The following ZNF790 variants were observed in gnomAD, a reference collection of about 807,000 sequenced individuals.
ZNF790 encodes zinc finger protein 790.
ZNF790 carries 8 observed loss-of-function variants against 12.1 expected under a neutral mutation model. The observed-to-expected ratio is 0.66, with a 90% CI of 0.39 to 1.19. The LOEUF (loss-of-function observed/expected upper bound fraction) is 1.19, where lower values mean the gene tolerates loss of function less well. Among genes scored for constraint, ZNF790 ranks in the 50% most tolerant of loss-of-function variants. ZNF790 has a pLI of 0.01. For synonymous variants in ZNF790, 252 were observed against 244.3 expected (o/e 1.03, Z -0.29); for missense variants, 707 against 752.2 (o/e 0.94, Z 0.70).
chr19:36,823,051 G>GT (rs990537078), intron 4 of ZNF790, among the ~76,000 whole-genome samples: 9 of 151,696 alleles, frequency 5.9e-5, no homozygotes, highest in East Asian at 3.9e-4. Flanking sequence ...TTTTGTTTTT[G>GT]TTTTTTTAGT....
chr19:36,823,512 G>T lies in ZNF790; in HGVS notation c.134-132C>A. 5.6e-6 allele frequency: 7 copies of T among 1,243,988 alleles called. No individual in the cohort carries two copies. The South Asian group carries it at 9.6e-5, about 17-fold the overall frequency. 77.1% of individuals were successfully genotyped at this position (1,243,988 alleles called of 1,614,324 possible). A position where few individuals can be genotyped will look rare whatever the true frequency, so the allele number is the denominator to read the frequency against. ...AATAAGTATAAACTATGGGAAAGAT[G>T]GAAGTGCCCACTGATGATAACTATT... On this transcript the variant is annotated intron_variant, in intron 3 of 4. Transcript: ENST00000356725.
upstream of ZNF790, among the ~76,000 whole-genome samples, chr19:36,841,300 T>A (rs1282534050): frequency 6.6e-6 from 1 of 152,128 alleles, no homozygotes; most frequent in Non-Finnish European, 1.5e-5. Context: ...CAGTGTGTTT[T>A]TGGTGAAGGA....
chr19:36,832,975 TA>T (rs763094890), intron 1 of ZNF790, among the ~76,000 whole-genome samples: 177 of 134,636 alleles, frequency 1.3e-3, no homozygotes, highest in Admixed American at 2.3e-3. Context: ...AGACCTTCTC[TA>T]AAAAAAAAAA....
rs369671729 is a variant in ZNF790, at chr19:36,827,141, CATATATATATATATATATAT to C, written c.-73-1469_-73-1450del. ...ATACACACACACACACACACACACACATATATATATATATATATATATATATATATATATATACACTTACC... is the reference window on the plus strand; with the variant it reads ...ATACACACACACACACACACACACACATATATATATATATATACACTTACC... On this transcript the variant is annotated intron_variant, in intron 1 of 4. Coordinates refer to ENST00000356725, the MANE Select transcript of ZNF790 (RefSeq NM_206894.4). Among the ~76,000 whole-genome samples, 31 of 84,438 alleles carry C rather than the reference CATATATATATATATATATAT, an allele frequency of 3.7e-4. 1 individual carries two copies. The highest frequency in any genetic ancestry group is 1.4e-3 in the East Asian group (3 of 2,072). The allele number at this position is 84,438 out of a possible 152,430, so 55.4% of individuals were successfully genotyped here.
In ZNF790 at chr19:36,825,594, AG is replaced by A. The variant is rs753429311; in HGVS notation, c.9+16del. ...ATAAATGGGTTATATTTTTGGAGAG[AG>A]GCAATTCCAACTCACATGGGCCATG... On this transcript the variant is annotated intron_variant, in intron 2 of 4. Transcript: ENST00000356725. 3.1e-6 allele frequency: 5 copies of A among 1,613,432 alleles called. No homozygotes were observed. The African/African-American group carries it at 6.7e-5, about 22-fold the overall frequency.
At chr19:36,820,231 A>T in intron 4 of ZNF790, 117 bp from the exon 5 acceptor site, 1 of 1,098,712 alleles carries the variant, frequency 9.1e-7, no homozygotes, top group South Asian at 1.8e-5. Flanking sequence ...TGGCTTAGAA[A>T]ATTCTCAAAT....
chr19:36,822,211 C>A (rs538831002), intron 4 of ZNF790, among the ~76,000 whole-genome samples: 1 of 151,722 alleles, frequency 6.6e-6, no homozygotes, highest in Non-Finnish European at 1.5e-5. Flanking sequence ...AATGTACAAT[C>A]AAGGAGAAGA....
chr19:36,829,504 A>T (rs2071902536), intron 1 of ZNF790, among the ~76,000 whole-genome samples: 1 of 152,250 alleles, frequency 6.6e-6, no homozygotes, highest in African/African-American at 2.4e-5. Context: ...CTGCAAATGA[A>T]TAGACCACCT....
chr19:36,837,035 C>T (rs2072061141), intron 1 of ZNF790, among the ~76,000 whole-genome samples: 1 of 152,146 alleles, frequency 6.6e-6, no homozygotes, highest in African/African-American at 2.4e-5. Flanking sequence ...TCATCTTTCA[C>T]TATCCCACGC....
At chr19:36,821,487 A>ACGTAT (rs1489754432) in intron 4 of ZNF790, among the ~76,000 whole-genome samples, 1 of 152,220 alleles carries the variant, frequency 6.6e-6, no homozygotes, top group Admixed American at 6.5e-5. Context: ...GACACAGGAT[A>ACGTAT]CGTGTTGAAT....
At chr19:36,844,341 A>C (rs113285023) in intron 1 of ZNF790, among the ~76,000 whole-genome samples, 4,239 of 151,868 alleles carry the variant, frequency 0.028, 209 homozygotes, top group African/African-American at 0.095. Flanking sequence ...AACAAAAAAA[A>C]AAAAACCCAA....
chr19:36,831,358 G>A (rs976622682), intron 1 of ZNF790, among the ~76,000 whole-genome samples: 5 of 148,150 alleles, frequency 3.4e-5, no homozygotes, highest in Non-Finnish European at 6.0e-5. Flanking sequence ...GTAATAGATA[G>A]ACCATAGATG....
chr19:36,819,726 G>C lies in ZNF790; in HGVS notation c.618C>G (p.Thr206=). 6.2e-7 allele frequency: 1 copy of C among 1,613,726 alleles called. No homozygotes were observed. Among genetic ancestry groups the C allele is most frequent in the Non-Finnish European group, 8.5e-7 (1 of 1,179,846 alleles). Residue 206 remains threonine, a synonymous_variant, in exon 5 of 5, where the codon ACC becomes ACG. Transcript: ENST00000356725. ...KFCGDKECGN[T]FLPDSEVIQY... ...GAATAACTTCTGAATCAGGAAGAAAGGTATTCCCACATTCTTTATCTCCAC... is the reference window on the plus strand; with the variant it reads ...GAATAACTTCTGAATCAGGAAGAAACGTATTCCCACATTCTTTATCTCCAC...
upstream of ZNF790, among the ~76,000 whole-genome samples, chr19:36,842,815 C>T (rs1003616029): frequency 2.0e-5 from 3 of 151,712 alleles, no homozygotes; most frequent in African/African-American, 7.3e-5. Flanking sequence ...AGCAGCCTGG[C>T]CAACATGGTG....
chr19:36,819,091 C>T lies in ZNF790; in HGVS notation c.1253G>A (p.Gly418Asp). The change falls in exon 5 of 5, where the codon GGC becomes GAC. Residue 418 changes from glycine to aspartate, a missense_variant. Gly to Asp is a moderately conservative substitution (Grantham distance 94, BLOSUM62 -1). Transcript: ENST00000356725. ...TTGCTTACATTCATAAGGTTTCCTG[C>T]CAGTATGAATTCGCTGATGTCGAGC... Reference protein sequence around the residue: ...HLARHQRIHTGRKPYECKQCG... With the variant: ...HLARHQRIHTDRKPYECKQCG... 6.2e-7 allele frequency: 1 copy of T among 1,613,646 alleles called. No individual in the cohort carries two copies. Among genetic ancestry groups the T allele is most frequent in the Admixed American group, 1.7e-5 (1 of 59,906 alleles).
At position 36,826,653 on chromosome 19, in the gene ZNF790, T is replaced by C. The variant is rs78246070; in HGVS notation, c.-73-961A>G. Among the ~76,000 whole-genome samples the C allele has an allele frequency of 5.1e-3, 759 of 148,004 alleles. 18 individuals carry two copies. The highest frequency in any genetic ancestry group is 0.037 in the Admixed American group (551 of 14,784). On this transcript the variant is annotated intron_variant, in intron 1 of 4. Coordinates refer to ENST00000356725, the MANE Select transcript of ZNF790 (RefSeq NM_206894.4). ...ATATATATAATAAAAATTATATATA[T>C]ATATGCCTCTCTGAATCTAGCTTTG...
rs903350318 is a variant in ZNF790, at chr19:36,849,635, T to G, written c.-74+367A>C. ...TATATCAGTAATGGAGCTTCCCCCC[T>G]TTAAAACTGCTGCACCAGGAAGATA... On this transcript the variant is annotated intron_variant, in intron 1 of 4. Coordinates refer to the ZNF790 transcript ENST00000528994. 2.2e-4 allele frequency among the ~76,000 whole-genome samples: 34 copies of G among 152,054 alleles called. 1 individual carries two copies. Among genetic ancestry groups the G allele is most frequent in the Non-Finnish European group, 1.5e-5 (1 of 68,022 alleles).
In ZNF790 at chr19:36,823,762, T is replaced by C. The variant is rs368069364; in HGVS notation, c.38A>G (p.Asp13Gly). Residue 13 changes from aspartate (D) to glycine (G), a missense_variant, in exon 3 of 5, where the codon GAT (aspartate) becomes GGT (glycine). Coordinates refer to ENST00000356725, the MANE Select transcript of ZNF790 (RefSeq NM_206894.4). ...HLMMFRDVAV[D>G]FSQEEWECLD... is the part of the protein sequence containing the mutation. ...GCACTCCCACTCCTCCTGAGAGAAATCTACAGCCACATCCCTGAACATCAT... is the reference window on the plus strand; with the variant it reads ...GCACTCCCACTCCTCCTGAGAGAAACCTACAGCCACATCCCTGAACATCAT... 1.7e-5 allele frequency: 27 copies of C among 1,612,682 alleles called. No homozygotes were observed. Among genetic ancestry groups the C allele is most frequent in the Non-Finnish European group, 2.3e-5 (27 of 1,179,640 alleles).
upstream of ZNF790, among the ~76,000 whole-genome samples, chr19:36,841,863 G>T: frequency 8.6e-6 from 1 of 115,994 alleles, no homozygotes; most frequent in African/African-American, 3.2e-5. Flanking sequence ...TGGGGGGTGG[G>T]GGGAGGGGAG....
Sources: allele counts gnomAD v4.1 joint callset (sites outside exome capture counted in the v4.1 genomes callset), GRCh38; gene constraint gnomAD v4.1.1; transcripts MANE v1.5; gene names NCBI Gene and HGNC (gene_info 2026-07-23, HGNC 2026-07-21).